TNNI3K: variants seen among roughly 807,000 people sequenced by gnomAD.
TNNI3K encodes the protein serine/threonine-protein kinase TNNI3K.
In TNNI3K, 140 loss-of-function variants were observed where a neutral mutation model predicts 114.5. That is an observed-to-expected ratio of 1.22 (90% CI 1.07 to 1.41). TNNI3K has a LOEUF of 1.41. Among genes scored for constraint, TNNI3K ranks in the 40% most tolerant of loss-of-function variants. The pLI is 0.00. For missense variants in TNNI3K, 1,125 were observed against 1,007.6 expected (o/e 1.12, Z -1.58); for synonymous variants, 347 against 347.5 (o/e 1.00, Z 0.02).
chr1:74,488,563 A>G (rs957522890), intron 21 of TNNI3K, among the ~76,000 whole-genome samples: 23 of 152,186 alleles, frequency 1.5e-4, no homozygotes, highest in African/African-American at 4.8e-4. Context: ...TCCAATAATC[A>G]TTTTTATATC....
intron 21 of TNNI3K, among the ~76,000 whole-genome samples, chr1:74,466,145 AACTCCGG>A (rs1667671267): frequency 6.6e-6 from 1 of 152,140 alleles, no homozygotes; most frequent in African/African-American, 2.4e-5. Flanking sequence ...TGAAGGAACA[AACTCCGG>A]ACACGCCATC....
intron 17 of TNNI3K, among the ~76,000 whole-genome samples, chr1:74,400,031 G>T (rs1167680405): frequency 1.3e-5 from 2 of 152,188 alleles, no homozygotes; most frequent in African/African-American, 4.8e-5. Context: ...CAGTTTTGAG[G>T]CTGGGTGAGC....
chr1:74,452,888 A>G (rs535877107), intron 20 of TNNI3K, among the ~76,000 whole-genome samples: 1 of 152,264 alleles, frequency 6.6e-6, no homozygotes, highest in South Asian at 2.1e-4. Flanking sequence ...GCCTTTGTGC[A>G]CATTAGTCTC....
At chr1:74,304,508 T>C (rs980512461) in intron 5 of TNNI3K, among the ~76,000 whole-genome samples, 4 of 152,206 alleles carry the variant, frequency 2.6e-5, no homozygotes, top group Non-Finnish European at 4.4e-5. Flanking sequence ...AGTGGCACAA[T>C]CATGGCTCAC....
intron 23 of TNNI3K, among the ~76,000 whole-genome samples, chr1:74,512,019 C>A (rs769639947): frequency 1.3e-5 from 2 of 152,174 alleles, no homozygotes; most frequent in African/African-American, 2.4e-5. Flanking sequence ...AGGAAGAGGG[C>A]AGCTTTCCTT....
intron 17 of TNNI3K, among the ~76,000 whole-genome samples, chr1:74,410,597 A>G (rs1055860061): frequency 6.6e-6 from 1 of 152,198 alleles, no homozygotes; most frequent in Non-Finnish European, 1.5e-5. Flanking sequence ...CTTGTCTAAT[A>G]TTTCTCGAAG....
At chr1:74,252,823 G>T (rs1655020191) in intron 4 of TNNI3K, among the ~76,000 whole-genome samples, 1 of 152,198 alleles carries the variant, frequency 6.6e-6, no homozygotes, top group African/African-American at 2.4e-5. Flanking sequence ...TGGACCCAAA[G>T]AGTGAGCAGT....
At chr1:74,277,858 T>C (rs1266231894) in intron 5 of TNNI3K, among the ~76,000 whole-genome samples, 5 of 152,236 alleles carry the variant, frequency 3.3e-5, no homozygotes, top group African/African-American at 1.2e-4. Flanking sequence ...GAAGTTATTC[T>C]ATCCTACCAT....
intron 17 of TNNI3K, among the ~76,000 whole-genome samples, chr1:74,384,740 GA>G (rs1006541483): frequency 1.3e-5 from 2 of 151,900 alleles, no homozygotes; most frequent in African/African-American, 2.4e-5. Flanking sequence ...ATGTGAACCT[GA>G]AAAAAACAGT....
At chr1:74,351,315 A>G (rs1445780516) in intron 9 of TNNI3K, among the ~76,000 whole-genome samples, 1 of 151,260 alleles carries the variant, frequency 6.6e-6, no homozygotes, top group Non-Finnish European at 1.5e-5. Context: ...TCTGGCTTGT[A>G]GAGTTTCTGC....
intron 20 of TNNI3K, among the ~76,000 whole-genome samples, chr1:74,457,354 T>C (rs1194974619): frequency 6.6e-6 from 1 of 152,200 alleles, no homozygotes; most frequent in Non-Finnish European, 1.5e-5. Context: ...CAGTATGTAA[T>C]GAGAATGGGA....
At chr1:74,489,272 A>G in intron 22 of TNNI3K, 24 bp downstream of exon 22, 1 of 1,600,984 alleles carries the variant, frequency 6.2e-7, no homozygotes, top group Non-Finnish European at 8.5e-7. Context: ...CTTCTGAAAT[A>G]TGTCCATAAA....
chr1:74,394,383 A>G (rs904363325), intron 17 of TNNI3K, among the ~76,000 whole-genome samples: 30 of 152,302 alleles, frequency 2.0e-4, no homozygotes, highest in African/African-American at 6.3e-4. Flanking sequence ...TAACTCTTAT[A>G]AATAATTTTT....
At chr1:74,350,355 T>C (rs1661270956) in intron 9 of TNNI3K, among the ~76,000 whole-genome samples, 1 of 152,236 alleles carries the variant, frequency 6.6e-6, no homozygotes, top group African/African-American at 2.4e-5. Context: ...ATTTCTGTTC[T>C]TTTACATTTG....
intron 23 of TNNI3K, among the ~76,000 whole-genome samples, chr1:74,527,630 C>T (rs1646520418): frequency 6.6e-6 from 1 of 152,126 alleles, no homozygotes; most frequent in South Asian, 2.1e-4. Context: ...GTCATGAGGG[C>T]TTTATCAGCC....
intron 21 of TNNI3K, among the ~76,000 whole-genome samples, chr1:74,473,819 G>T (rs1340214676): frequency 6.6e-6 from 1 of 152,124 alleles, no homozygotes; most frequent in African/African-American, 2.4e-5. Context: ...TGTAGCCTTT[G>T]TCAGAGTCTC....
intron 5 of TNNI3K, among the ~76,000 whole-genome samples, chr1:74,280,352 A>G (rs1439898086): frequency 6.6e-6 from 1 of 151,980 alleles, no homozygotes; most frequent in Non-Finnish European, 1.5e-5. Context: ...ACTGCACTCC[A>G]GTCTAGGTGA....
chr1:74,297,845 A>G (rs1658090999), intron 5 of TNNI3K, among the ~76,000 whole-genome samples: 1 of 152,168 alleles, frequency 6.6e-6, no homozygotes, highest in Non-Finnish European at 1.5e-5. Context: ...ATTGTACTCT[A>G]TGGTTAAAAC....
chr1:74,269,439 A>C (rs1656211912), intron 4 of TNNI3K, among the ~76,000 whole-genome samples: 1 of 151,890 alleles, frequency 6.6e-6, no homozygotes, highest in African/African-American at 2.4e-5. Flanking sequence ...ATGCATAATC[A>C]AAACTGGGTG....
Sources: allele counts gnomAD v4.1 joint callset (sites outside exome capture counted in the v4.1 genomes callset), GRCh38; gene constraint gnomAD v4.1.1; transcripts MANE v1.5; gene names NCBI Gene and HGNC (gene_info 2026-07-23, HGNC 2026-07-21).